Variants in SEMA5A observed in about 807,000 individuals in gnomAD.
SEMA5A encodes semaphorin-5A.
SEMA5A carries 55 observed loss-of-function variants against 135.5 expected under a neutral mutation model. The ratio of observed to expected loss-of-function variants is 0.41; its 90% CI spans 0.33 to 0.51. The LOEUF is 0.51. Among genes scored for constraint, SEMA5A ranks in the 20% least tolerant of loss-of-function variants. The pLI is 0.37. For missense variants in SEMA5A, 1,290 were observed against 1,419.9 expected, an observed-to-expected ratio of 0.91 and a Z score of 1.47; for synonymous variants, 580 against 546.5, an observed-to-expected ratio of 1.06 and a Z score of -0.85.
chr5:9,371,817 T>C (rs1755148968), intron 3 of SEMA5A, among the ~76,000 whole-genome samples: 1 of 152,226 alleles, frequency 6.6e-6, no homozygotes, highest in Non-Finnish European at 1.5e-5. Flanking sequence ...TATCCTATTC[T>C]GAAACAAGTG....
intron 3 of SEMA5A, among the ~76,000 whole-genome samples, chr5:9,357,110 T>G (rs1754484256): frequency 6.6e-6 from 1 of 152,236 alleles, no homozygotes; most frequent in Non-Finnish European, 1.5e-5. Flanking sequence ...CTCCATCTCA[T>G]TAATTACAAC....
chr5:9,327,191 T>A (rs1344569092), intron 4 of SEMA5A, among the ~76,000 whole-genome samples: 2 of 152,202 alleles, frequency 1.3e-5, no homozygotes, highest in East Asian at 1.9e-4. Flanking sequence ...CTTTTGTGAG[T>A]TTTTTTCTAA....
chr5:9,513,088 C>T (rs1331509171), intron 1 of SEMA5A, among the ~76,000 whole-genome samples: 1 of 133,342 alleles, frequency 7.5e-6, no homozygotes, highest in Non-Finnish European at 1.6e-5. Context: ...TATATATATG[C>T]AAGCTGAGGA....
intron 6 of SEMA5A, among the ~76,000 whole-genome samples, chr5:9,234,750 C>A (rs1025280502): frequency 3.9e-5 from 6 of 152,230 alleles, no homozygotes; most frequent in Non-Finnish European, 8.8e-5. Context: ...ACTAAGATTT[C>A]CCATTATTTT....
At chr5:9,052,215 G>T (rs1736625846) in intron 19 of SEMA5A, among the ~76,000 whole-genome samples, 187 bp from the exon 20 acceptor site, 1 of 152,138 alleles carries the variant, frequency 6.6e-6, no homozygotes, top group Non-Finnish European at 1.5e-5. Flanking sequence ...TACACACGAG[G>T]ATGAATAAAA....
At chr5:9,326,398 G>A (rs575309775) in intron 4 of SEMA5A, among the ~76,000 whole-genome samples, 3 of 152,098 alleles carry the variant, frequency 2.0e-5, no homozygotes, top group Non-Finnish European at 4.4e-5. Context: ...TTACAGGTGC[G>A]CGCCACCATG....
At chr5:9,178,400 T>C (rs1008024013) in intron 11 of SEMA5A, among the ~76,000 whole-genome samples, 2 of 151,170 alleles carry the variant, frequency 1.3e-5, no homozygotes, top group African/African-American at 4.9e-5. Flanking sequence ...TGGTGCAGTC[T>C]TGGGTCACTG....
chr5:9,295,623 G>A (rs1198931084), intron 5 of SEMA5A, among the ~76,000 whole-genome samples: 1 of 151,946 alleles, frequency 6.6e-6, no homozygotes, highest in African/African-American at 2.4e-5. Context: ...GGAGCCAGGT[G>A]GTCTGAGAGC....
At chr5:9,119,191 C>G (rs751776688) in intron 14 of SEMA5A, 50 bp from the exon 15 acceptor site, 8 of 1,592,490 alleles carry the variant, frequency 5.0e-6, no homozygotes, top group Non-Finnish European at 6.8e-6. Flanking sequence ...GCTCAGAGTC[C>G]AAGCCCTGTC....
intron 16 of SEMA5A, among the ~76,000 whole-genome samples, chr5:9,101,500 A>ATGG: frequency 6.6e-6 from 1 of 152,270 alleles, no homozygotes; most frequent in South Asian, 2.1e-4. Context: ...ACAGATGATG[A>ATGG]TGATGGTGAT....
In SEMA5A at chr5:9,190,259, G is replaced by A; in HGVS notation, c.1273+8C>T. 1 of 1,613,766 alleles carries A rather than the reference G, an allele frequency of 6.2e-7. No individual in the cohort carries two copies. Among genetic ancestry groups the A allele is most frequent in the Non-Finnish European group, 8.5e-7 (1 of 1,179,834 alleles). ...AGAAAACCCCTCAGAGGGGGCCAGA[G>A]CTCCTACCTGTGGCCAAATAGATGA... On this transcript the variant is annotated splice_region_variant and intron_variant, in intron 11 of 22. Transcript: ENST00000382496.
intron 2 of SEMA5A, among the ~76,000 whole-genome samples, chr5:9,437,334 T>C (rs1252450601): frequency 6.6e-6 from 1 of 152,126 alleles, no homozygotes; most frequent in African/African-American, 2.4e-5. Context: ...ACTCTCATTT[T>C]TTTTTCTTTT....
intron 1 of SEMA5A, chr5:9,523,313 G>T (rs1223924753): frequency 6.6e-6 from 1 of 152,020 alleles, no homozygotes; most frequent in Non-Finnish European, 1.5e-5. Flanking sequence ...GTAAGCTCCT[G>T]GTCTCTCTTT....
intron 17 of SEMA5A, among the ~76,000 whole-genome samples, chr5:9,066,053 T>G (rs1737445370): frequency 6.6e-6 from 1 of 152,158 alleles, no homozygotes; most frequent in Non-Finnish European, 1.5e-5. Flanking sequence ...TTGGGATAAA[T>G]AAAGAAAAAC....
chr5:9,418,241 G>A (rs1311750501), intron 2 of SEMA5A, among the ~76,000 whole-genome samples: 2 of 152,044 alleles, frequency 1.3e-5, no homozygotes, highest in Admixed American at 1.3e-4. Flanking sequence ...CTCCCAAAGT[G>A]CTGGGATTAC....
intron 1 of SEMA5A, among the ~76,000 whole-genome samples, chr5:9,519,148 C>T (rs1406143860): frequency 1.3e-5 from 2 of 152,152 alleles, no homozygotes; most frequent in Non-Finnish European, 2.9e-5. Context: ...AGGCATCAGT[C>T]TGTTATTGTA....
intron 1 of SEMA5A, among the ~76,000 whole-genome samples, chr5:9,468,613 A>G (rs1488066301): frequency 1.3e-5 from 2 of 152,272 alleles, no homozygotes; most frequent in African/African-American, 4.8e-5. Context: ...TTTAAACTAT[A>G]TAAAATTCAG....
At chr5:9,256,259 G>A (rs1403173620) in intron 5 of SEMA5A, among the ~76,000 whole-genome samples, 14 of 152,044 alleles carry the variant, frequency 9.2e-5, no homozygotes, top group Non-Finnish European at 2.1e-4. Flanking sequence ...TCAAAGTCTT[G>A]GGCCTGGTTC....
intron 14 of SEMA5A, among the ~76,000 whole-genome samples, 187 bp downstream of exon 14, chr5:9,122,469 A>G (rs959656016): frequency 1.3e-5 from 2 of 152,244 alleles, no homozygotes; most frequent in African/African-American, 4.8e-5. Flanking sequence ...ATAAGCGTAG[A>G]TCTGTAATCC....
Sources: allele counts gnomAD v4.1 joint callset (sites outside exome capture counted in the v4.1 genomes callset), GRCh38; gene constraint gnomAD v4.1.1; transcripts MANE v1.5; gene names NCBI Gene and HGNC (gene_info 2026-07-23, HGNC 2026-07-21).